The following UQCC1 variants were observed in gnomAD, a reference collection of about 807,000 sequenced individuals.
UQCC1 encodes ubiquinol-cytochrome c reductase complex assembly factor 1.
A neutral mutation model predicts 48.0 loss-of-function variants in UQCC1; 38 were observed. That is an observed-to-expected ratio of 0.79 (90% CI 0.61 to 1.04). The LOEUF (loss-of-function observed/expected upper bound fraction) is 1.04. UQCC1 is among the 50% of genes least tolerant of loss of function. The pLI, the probability that UQCC1 is intolerant of heterozygous loss-of-function variation, is 0.00. For missense variants in UQCC1, 368 were observed against 381.8 expected, an observed-to-expected ratio of 0.96 and a Z score of 0.30; for synonymous variants, 111 against 129.2, an observed-to-expected ratio of 0.86 and a Z score of 0.95.
At position 35,369,311 on chromosome 20, in the gene UQCC1, C is replaced by A. The variant is rs1447565511; in HGVS notation, c.407-2697G>T. ...CACAGGGTAAAGCCCTAAAAAGTAA[C>A]ACCATTGACTGTTGACTGTGAACTA... On this transcript the variant is annotated intron_variant, in intron 5 of 9. Transcript: ENST00000374385. Among the ~76,000 whole-genome samples the A allele has an allele frequency of 2.6e-5, 4 of 152,338 alleles. No individual in the cohort carries two copies. In the East Asian group the frequency reaches 7.7e-4, roughly 29 times the overall value.
At chr20:35,330,285 T>A (rs1204790986) in intron 7 of UQCC1, among the ~76,000 whole-genome samples, 1 of 152,244 alleles carries the variant, frequency 6.6e-6, no homozygotes, top group Non-Finnish European at 1.5e-5. Flanking sequence ...TCTCTGCTAC[T>A]ACCGCTACTA....
chr20:35,373,202 C>G (rs1165443805), intron 5 of UQCC1, among the ~76,000 whole-genome samples: 1 of 152,164 alleles, frequency 6.6e-6, no homozygotes, highest in African/African-American at 2.4e-5. Context: ...ACAGTCTAAA[C>G]CAGCAAAACC....
chr20:35,318,407 A>G (rs2061086780), intron 7 of UQCC1, among the ~76,000 whole-genome samples: 1 of 152,228 alleles, frequency 6.6e-6, no homozygotes, highest in Non-Finnish European at 1.5e-5. Context: ...TTCATCTGCA[A>G]ACCTCAGTTC....
At position 35,374,124 on chromosome 20, in the gene UQCC1, A is replaced by T. The variant is rs11908143; in HGVS notation, c.406+60T>A. 2.5e-3 allele frequency: 3,460 copies of T among 1,391,772 alleles called. 64 individuals carry two copies. The African/African-American group carries it at 0.045, about 18-fold the overall frequency. The allele number at this position is 1,391,772 out of a possible 1,614,324, so 86.2% of individuals were successfully genotyped here. ...AAAAAAACCTATCCTATTAAAACACAACCATAAAAATGAAATGTAGATTTG... is the reference window on the plus strand; with the variant it reads ...AAAAAAACCTATCCTATTAAAACACTACCATAAAAATGAAATGTAGATTTG... On this transcript the variant is annotated intron_variant, in intron 5 of 9. Coordinates refer to ENST00000374385, the MANE Select transcript of UQCC1 (RefSeq NM_018244.5).
chr20:35,331,172 A>G (rs1441897406), intron 7 of UQCC1, among the ~76,000 whole-genome samples: 1 of 152,130 alleles, frequency 6.6e-6, no homozygotes, highest in Non-Finnish European at 1.5e-5. Flanking sequence ...AACAGGAATC[A>G]TCTCCTACTT....
At chr20:35,400,624 T>C (rs1430108957) in intron 1 of UQCC1, among the ~76,000 whole-genome samples, 1 of 151,824 alleles carries the variant, frequency 6.6e-6, no homozygotes, top group Non-Finnish European at 1.5e-5. Flanking sequence ...GCCTCCCAAG[T>C]AGCTGGGACT....
Position 35,366,589 on chromosome 20 carries a change from A to G in UQCC1, c.432T>C (p.Asn144=). 1 of 1,614,006 alleles carries G rather than the reference A, an allele frequency of 6.2e-7. No individual in the cohort carries two copies. The highest frequency in any genetic ancestry group is 1.1e-5 in the South Asian group (1 of 91,070). ...GGAGTAGGGTTATAAGAAACCATGAATTGAATGTATCAGGCATCTGACACC... is the reference window on the plus strand; with the variant it reads ...GGAGTAGGGTTATAAGAAACCATGAGTTGAATGTATCAGGCATCTGACACC... The part of the protein sequence containing the change: ...FLRCQMPDTF[N]SWFLITLLHV... The change falls in exon 6 of 10, where the codon AAT becomes AAC. Residue 144 remains asparagine, a synonymous_variant. Transcript: ENST00000374385.
intron 9 of UQCC1, 148 bp from the exon 10 acceptor site, chr20:35,304,217 G>A (rs931051809): frequency 1.4e-5 from 14 of 1,023,296 alleles, no homozygotes; most frequent in Middle Eastern, 3.0e-4. Flanking sequence ...AGACCAAGCC[G>A]TCCCAGGCCA....
At chr20:35,382,073 T>A in intron 3 of UQCC1, 48 bp from the exon 4 acceptor site, 1 of 1,224,016 alleles carries the variant, frequency 8.2e-7, no homozygotes, top group Non-Finnish European at 1.2e-6. Flanking sequence ...AAAAAATTTT[T>A]AATAGAATGC....
intron 7 of UQCC1, among the ~76,000 whole-genome samples, chr20:35,323,880 A>T (rs1361303763): frequency 6.6e-6 from 1 of 152,178 alleles, no homozygotes; most frequent in Non-Finnish European, 1.5e-5. Context: ...CATCACAGAG[A>T]TGGGCACATA....
chr20:35,339,012 A>G (rs2061349435), intron 7 of UQCC1, among the ~76,000 whole-genome samples: 1 of 149,676 alleles, frequency 6.7e-6, no homozygotes, highest in African/African-American at 2.5e-5. Flanking sequence ...AGGTTCATCC[A>G]TCCTATAAAG....
chr20:35,345,502 C>CT (rs932685186), intron 7 of UQCC1: 2 of 152,104 alleles, frequency 1.3e-5, no homozygotes, highest in East Asian at 1.9e-4. Context: ...TGAAAAAATA[C>CT]TTTTTTTCTC....
chr20:35,391,729 A>C (rs2062017147), intron 2 of UQCC1, among the ~76,000 whole-genome samples: 1 of 151,844 alleles, frequency 6.6e-6, no homozygotes, highest in Non-Finnish European at 1.5e-5. Flanking sequence ...CATTCATAAA[A>C]AAAAAAATTG....
chr20:35,375,629 A>G (rs2061787236), intron 4 of UQCC1, among the ~76,000 whole-genome samples: 1 of 152,166 alleles, frequency 6.6e-6, no homozygotes, highest in South Asian at 2.1e-4. Flanking sequence ...GAAATCAACA[A>G]AACTGAAACA....
At chr20:35,324,470 GTGCC>G (rs2061167988) in intron 7 of UQCC1, among the ~76,000 whole-genome samples, 1 of 152,164 alleles carries the variant, frequency 6.6e-6, no homozygotes, top group South Asian at 2.1e-4. Flanking sequence ...GGGACTACAG[GTGCC>G]CACCACCACG....
At chr20:35,396,119 G>A (rs1179748701) in intron 1 of UQCC1, among the ~76,000 whole-genome samples, 1 of 151,046 alleles carries the variant, frequency 6.6e-6, no homozygotes, top group East Asian at 1.9e-4. Context: ...CAAGTGGCTG[G>A]GACTACAGGC....
intron 4 of UQCC1, among the ~76,000 whole-genome samples, chr20:35,376,203 G>A (rs560544922): frequency 6.6e-6 from 1 of 151,502 alleles, no homozygotes; most frequent in African/African-American, 2.4e-5. Context: ...AGTTACTTGG[G>A]AGGCTGAGAC....
intron 6 of UQCC1, among the ~76,000 whole-genome samples, chr20:35,354,735 C>T (rs1485876183): frequency 4.6e-5 from 7 of 152,142 alleles, no homozygotes; most frequent in Non-Finnish European, 1.0e-4. Context: ...ACATTGGACC[C>T]AATAAGTTCA....
intron 7 of UQCC1, 63 bp from the exon 8 acceptor site, chr20:35,314,828 T>C (rs964854935): frequency 4.6e-5 from 64 of 1,392,222 alleles, no homozygotes; most frequent in Non-Finnish European, 6.0e-5. Flanking sequence ...CCAAAAAGTA[T>C]GATCTTTGAC....
Sources: gnomAD v4.1 joint callset for allele counts (sites outside exome capture counted in the v4.1 genomes callset) on GRCh38, gnomAD v4.1.1 for gene constraint, MANE v1.5 for transcripts, NCBI Gene and HGNC (gene_info 2026-07-23, HGNC 2026-07-21) for gene names.